PPARG: variants seen among roughly 807,000 people sequenced by gnomAD.
PPARG encodes peroxisome proliferator-activated receptor gamma.
PPARG carries 17 observed loss-of-function variants against 39.2 expected under a neutral mutation model. The ratio of observed to expected loss-of-function variants is 0.43; its 90% confidence interval spans 0.30 to 0.65. The LOEUF is 0.65. Ranked by LOEUF, PPARG falls within the 30% of genes least tolerant of loss-of-function variation. PPARG has a pLI of 0.13. For synonymous variants in PPARG, 223 were observed against 215.7 expected, an observed-to-expected ratio of 1.03 and a Z score of -0.30; for missense variants, 406 against 585.9, an observed-to-expected ratio of 0.69 and a Z score of 3.17.
chr3:12,394,246 A>G (rs933615261), intron 5 of PPARG, among the ~76,000 whole-genome samples: 4 of 152,184 alleles, frequency 2.6e-5, no homozygotes, highest in Non-Finnish European at 4.4e-5. Context: ...TTTAACACTA[A>G]TTTTTGCCTA....
At chr3:12,389,350 A>T (rs902448711) in intron 4 of PPARG, among the ~76,000 whole-genome samples, 2 of 152,196 alleles carry the variant, frequency 1.3e-5, no homozygotes, top group African/African-American at 4.8e-5. Flanking sequence ...ACTGATGAAC[A>T]TGTGAAGCCG....
chr3:12,337,261 T>C (rs1398537404), intron 2 of PPARG, among the ~76,000 whole-genome samples: 3 of 152,160 alleles, frequency 2.0e-5, no homozygotes, highest in African/African-American at 7.2e-5. Context: ...ATATATACAT[T>C]CATTTCTACA....
chr3:12,297,088 T>C (rs547660510), intron 1 of PPARG, among the ~76,000 whole-genome samples: 257 of 152,346 alleles, frequency 1.7e-3, no homozygotes, highest in Non-Finnish European at 2.6e-3. Context: ...AAAAGCCGTA[T>C]ACACGAAGAG....
intron 6 of PPARG, among the ~76,000 whole-genome samples, chr3:12,412,711 T>C (rs2050918340): frequency 6.6e-6 from 1 of 152,150 alleles, no homozygotes; most frequent in African/African-American, 2.4e-5. Flanking sequence ...TGTGCAGAAG[T>C]CCTTCCAGTG....
At chr3:12,319,777 G>C (rs1470623945) in intron 2 of PPARG, among the ~76,000 whole-genome samples, 1 of 151,738 alleles carries the variant, frequency 6.6e-6, no homozygotes, top group Non-Finnish European at 1.5e-5. Context: ...AGGTCACTGA[G>C]TTACTACTGT....
At chr3:12,301,606 C>T (rs576657721) in intron 1 of PPARG, 1 of 152,126 alleles carries the variant, frequency 6.6e-6, no homozygotes, top group East Asian at 1.9e-4. Flanking sequence ...GACCTTGTGA[C>T]ATCTCTGGAC....
intron 1 of PPARG, among the ~76,000 whole-genome samples, chr3:12,296,843 A>C (rs1427778704): frequency 6.6e-6 from 1 of 152,256 alleles, no homozygotes; most frequent in Admixed American, 6.5e-5. Flanking sequence ...AAACAGATTT[A>C]CAAGATATGG....
chr3:12,344,114 G>A (rs1446397171), intron 2 of PPARG, among the ~76,000 whole-genome samples: 1 of 151,880 alleles, frequency 6.6e-6, no homozygotes, highest in Non-Finnish European at 1.5e-5. Flanking sequence ...ACCCACCTCG[G>A]CTTCCCAAAG....
At chr3:12,344,435 A>G (rs910249653) in intron 2 of PPARG, among the ~76,000 whole-genome samples, 1 of 152,020 alleles carries the variant, frequency 6.6e-6, no homozygotes, top group African/African-American at 2.4e-5. Flanking sequence ...TAATGGACTG[A>G]TGAATCTTAC....
At chr3:12,371,944 G>T in intron 2 of PPARG, 1 of 714,616 alleles carries the variant, frequency 1.4e-6, no homozygotes, top group South Asian at 1.5e-5. Flanking sequence ...GAGTGATCTT[G>T]ATCTGCATGA....
intron 2 of PPARG, among the ~76,000 whole-genome samples, chr3:12,315,522 T>A (rs1167540701): frequency 6.6e-6 from 1 of 152,226 alleles, no homozygotes; most frequent in Non-Finnish European, 1.5e-5. Flanking sequence ...AGTAGTTTTT[T>A]AAGGTCACAA....
At chr3:12,315,915 A>G (rs780043724) in intron 2 of PPARG, among the ~76,000 whole-genome samples, 3 of 152,164 alleles carry the variant, frequency 2.0e-5, no homozygotes, top group Non-Finnish European at 2.9e-5. Context: ...CTCTTGATCC[A>G]CCAATCATCA....
At chr3:12,374,916 G>A (rs1463996904) in intron 2 of PPARG, among the ~76,000 whole-genome samples, 2 of 152,186 alleles carry the variant, frequency 1.3e-5, no homozygotes, top group Non-Finnish European at 2.9e-5. Flanking sequence ...CATCCTTTTA[G>A]CCATGAGATG....
intron 2 of PPARG, among the ~76,000 whole-genome samples, chr3:12,365,996 A>G (rs924125785): frequency 2.6e-5 from 4 of 152,160 alleles, no homozygotes; most frequent in Non-Finnish European, 4.4e-5. Context: ...GTTGGGATGA[A>G]TGACATCTTG....
rs1447137675 is a variant in PPARG at position 12,404,934 on chromosome 3, C to T, written c.530-948C>T. Among the ~76,000 whole-genome samples the T allele has an allele frequency of 3.3e-5, 5 of 152,168 alleles. No individual in the cohort carries two copies. In the East Asian group the frequency reaches 7.7e-4, roughly 23 times the overall value. Reference sequence around the variant, plus strand: ...GCATATAGTCTAGTGAAGCCGATCACCATAAAAACGCATGGCTGTGATACC... The same window carrying T: ...GCATATAGTCTAGTGAAGCCGATCATCATAAAAACGCATGGCTGTGATACC... On this transcript the variant is annotated intron_variant, in intron 5 of 7. Transcript: ENST00000651735.
intron 1 of PPARG, among the ~76,000 whole-genome samples, chr3:12,290,091 CTAA>C (rs2046610656): frequency 6.6e-6 from 1 of 152,094 alleles, no homozygotes; most frequent in Admixed American, 6.5e-5. Context: ...AGTTAACTTG[CTAA>C]TAATTATGTC....
chr3:12,326,116 C>G (rs1014982704), intron 2 of PPARG, among the ~76,000 whole-genome samples: 1 of 152,160 alleles, frequency 6.6e-6, no homozygotes, highest in African/African-American at 2.4e-5. Context: ...TGTCTTCTGG[C>G]TAGCTAAAGG....
chr3:12,351,450 A>G, intron 2 of PPARG: 1 of 703,816 alleles, frequency 1.4e-6, no homozygotes, highest in Non-Finnish European at 2.5e-6. Flanking sequence ...TCTCTCCCAA[A>G]TATTTGGAAA....
intron 2 of PPARG, among the ~76,000 whole-genome samples, chr3:12,346,195 C>T (rs980857507): frequency 6.6e-6 from 1 of 152,124 alleles, no homozygotes. Context: ...AGGAAGTTTT[C>T]AGTTGGTTTT....
Sources: gnomAD v4.1 joint callset for allele counts (sites outside exome capture counted in the v4.1 genomes callset) on GRCh38, gnomAD v4.1.1 for gene constraint, MANE v1.5 for transcripts, NCBI Gene and HGNC (gene_info 2026-07-23, HGNC 2026-07-21) for gene names.